Variants in IL36G observed in about 807,000 individuals in gnomAD.
IL36G encodes the protein interleukin-36 gamma.
Under a neutral mutation model 13.5 loss-of-function variants are expected in IL36G, and 10 were observed. The observed-to-expected ratio is 0.74, with a 90% CI of 0.46 to 1.26. The LOEUF is 1.26. Ranked by LOEUF, IL36G falls within the 50% of genes most tolerant of loss-of-function variation. The pLI is 0.00. For synonymous variants in IL36G, 84 were observed against 74.0 expected, an observed-to-expected ratio of 1.13 and a Z score of -0.69; for missense variants, 199 against 203.0, an observed-to-expected ratio of 0.98 and a Z score of 0.12.
chr2:112,985,138 ACGCTG>A lies in IL36G; in HGVS notation c.*90_*94del. On this transcript the variant is annotated 3_prime_UTR_variant, in exon 5 of 5. Coordinates refer to ENST00000259205, the MANE Select transcript of IL36G (RefSeq NM_019618.4). ...TCTACATTTTCTTAGTGTCATTTTC[ACGCTG>A]GTGCTGAGACAGGGGCAAGGCTGCT... 1.1e-6 allele frequency: 1 copy of A among 893,418 alleles called. No homozygotes were observed. Among genetic ancestry groups the A allele is most frequent in the South Asian group, 1.6e-5 (1 of 61,776 alleles). The allele number at this position is 893,418 out of a possible 1,614,324, so 55.3% of individuals were successfully genotyped here.
At chr2:112,982,563 G>C (rs1173646999) in intron 4 of IL36G, among the ~76,000 whole-genome samples, 1 of 152,182 alleles carries the variant, frequency 6.6e-6, no homozygotes. Context: ...GGTGTGATTT[G>C]ATGGGCCAGG....
At chr2:112,979,448 C>T (rs1221036464) in intron 3 of IL36G, 123 bp downstream of exon 3, 1 of 617,198 alleles carries the variant, frequency 1.6e-6, no homozygotes, top group East Asian at 2.8e-5. Flanking sequence ...AATTTCACAC[C>T]TAATTGGGAA....
intron 4 of IL36G, chr2:112,981,175 T>C: frequency 8.4e-7 from 1 of 1,188,272 alleles, no homozygotes; most frequent in Non-Finnish European, 1.2e-6. Flanking sequence ...ACTTGGCATC[T>C]GCAGCACCTT....
chr2:112,979,161 G>A, intron 2 of IL36G, 60 bp from the exon 3 acceptor site: 2 of 1,114,904 alleles, frequency 1.8e-6, no homozygotes, highest in Non-Finnish European at 2.7e-6. Flanking sequence ...TTTCTCCTGG[G>A]TCTAGTAAAG....
At position 112,985,243 on chromosome 2, in the gene IL36G, G is replaced by T; in HGVS notation, c.*194G>T. 1.7e-6 allele frequency: 1 copy of T among 572,502 alleles called. No homozygotes were observed. The highest frequency in any genetic ancestry group is 3.1e-6 in the Non-Finnish European group (1 of 321,480). 35.5% of individuals were successfully genotyped at this position (572,502 alleles called of 1,614,324 possible). On this transcript the variant is annotated 3_prime_UTR_variant, in exon 5 of 5. Transcript: ENST00000259205. ...TGAAGAACAGGATGTGGCCTCAGAA[G>T]CAGGAGAGCTGGGTGGTATAAGGCT... is the stretch of plus-strand genomic sequence containing the variant.
intron 2 of IL36G, 29 bp downstream of exon 2, chr2:112,978,722 C>T (rs1342617373): frequency 6.2e-7 from 1 of 1,610,480 alleles, no homozygotes; most frequent in Non-Finnish European, 8.5e-7. Context: ...GGATGGGGCT[C>T]TGGAGGCTTA....
chr2:112,981,124 A>C (rs962544282), intron 4 of IL36G: 2 of 913,974 alleles, frequency 2.2e-6, no homozygotes, highest in African/African-American at 1.6e-5. Flanking sequence ...CAAACTGTAC[A>C]GTCACCAGAA....
intron 1 of IL36G, 114 bp from the exon 2 acceptor site, chr2:112,978,506 T>G (rs770682747): frequency 8.7e-6 from 7 of 801,628 alleles, no homozygotes; most frequent in Non-Finnish European, 1.5e-5. Context: ...CAGAGCTTCG[T>G]GTCAGGCCAG....
At chr2:112,978,735 C>T in intron 2 of IL36G, 42 bp downstream of exon 2, 1 of 1,577,566 alleles carries the variant, frequency 6.3e-7, no homozygotes, top group Non-Finnish European at 8.7e-7. Flanking sequence ...GAGGCTTAGG[C>T]CCTCTGCACT....
rs1684331147 is a variant in IL36G at position 112,985,245 on chromosome 2, A to C, written c.*196A>C. The stretch of plus-strand genomic sequence containing the variant: ...AAGAACAGGATGTGGCCTCAGAAGC[A>C]GGAGAGCTGGGTGGTATAAGGCTGT... On this transcript the variant is annotated 3_prime_UTR_variant, in exon 5 of 5. Transcript: ENST00000259205. 1.8e-6 allele frequency: 1 copy of C among 570,188 alleles called. No individual in the cohort carries two copies. The highest frequency in any genetic ancestry group is 3.1e-6 in the Non-Finnish European group (1 of 320,032). The allele number at this position is 570,188 out of a possible 1,614,324, so 35.3% of individuals were successfully genotyped here.
At chr2:112,978,772 C>A in intron 2 of IL36G, 79 bp downstream of exon 2, 2 of 1,368,502 alleles carry the variant, frequency 1.5e-6, no homozygotes, top group Non-Finnish European at 2.1e-6. Flanking sequence ...GAAGCCCCAG[C>A]CTTCTCTGCT....
chr2:112,984,946 C>T lies in IL36G; in HGVS notation c.407C>T (p.Pro136Leu), dbSNP rs549223824. Reference protein sequence around the residue: ...RTSTLESVAFPDWFIASSKRD... With the variant: ...RTSTLESVAFLDWFIASSKRD... ...TCCACCCTTGAGTCTGTGGCCTTCC[C>T]GGACTGGTTCATTGCCTCCTCCAAG... is the stretch of plus-strand genomic sequence containing the variant. Residue 136 changes from proline (P) to leucine (L), a missense_variant, in exon 5 of 5, where the codon CCG (proline) becomes CTG (leucine). By Grantham distance (98) the Pro-to-Leu change is moderately conservative. Coordinates refer to ENST00000259205, the MANE Select transcript of IL36G (RefSeq NM_019618.4). The T allele has an allele frequency of 2.6e-5, 42 of 1,614,022 alleles. 1 individual carries two copies. Among genetic ancestry groups the T allele is most frequent in the South Asian group, 9.9e-5 (9 of 91,074 alleles).
chr2:112,984,745 G>A, intron 4 of IL36G, 95 bp from the exon 5 acceptor site: 2 of 1,074,460 alleles, frequency 1.9e-6, no homozygotes, highest in South Asian at 2.9e-5. Flanking sequence ...AAGGTTTTCT[G>A]GAACTTTGGA....
In IL36G at chr2:112,984,973, G is replaced by C. The variant is rs1233296271; in HGVS notation, c.434G>C (p.Arg145Thr). The change falls in exon 5 of 5, where the codon AGA (arginine) becomes ACA (threonine). Residue 145 changes from arginine (R) to threonine (T), a missense_variant. Arg to Thr is a moderately conservative substitution (Grantham distance 71). Transcript: ENST00000259205. ...GACTGGTTCATTGCCTCCTCCAAGA[G>C]AGACCAGCCCATCATTCTGACTTCA... ...FPDWFIASSKRDQPIILTSEL... is the reference protein window; with the variant it reads ...FPDWFIASSKTDQPIILTSEL... 4.3e-6 allele frequency: 7 copies of C among 1,614,002 alleles called. No homozygotes were observed. Among genetic ancestry groups the C allele is most frequent in the Non-Finnish European group, 2.5e-6 (3 of 1,180,034 alleles).
Position 112,979,301 on chromosome 2 carries a change from C to T in IL36G, c.136C>T (p.Pro46Ser), listed in dbSNP as rs1307654812. The T allele has an allele frequency of 6.2e-7, 1 of 1,611,456 alleles. No homozygotes were observed. ...TCAGGGTCAGAACCTTGTGGCAGTT[C>T]CACGAAGTGACAGTGTGACCCCAGG... The part of the protein sequence containing the change: ...TLQGQNLVAV[P>S]RSDSVTPVTV... The change falls in exon 3 of 5, where the codon CCA becomes TCA. Residue 46 changes from proline (P) to serine (S), a missense_variant. Transcript: ENST00000259205.
intron 4 of IL36G, chr2:112,981,337 A>G: frequency 1.2e-6 from 1 of 800,356 alleles, no homozygotes; most frequent in Non-Finnish European, 2.2e-6. Flanking sequence ...GATTTGGAGG[A>G]GCAGGTTTAG....
intron 1 of IL36G, 104 bp downstream of exon 1, chr2:112,978,182 G>A (rs1489319089): frequency 5.3e-6 from 1 of 187,576 alleles, no homozygotes; most frequent in Non-Finnish European, 1.1e-5. Context: ...GGCTGGCTCT[G>A]TGCTTTGTCC....
In IL36G at chr2:112,984,722, C is replaced by G. The variant is rs1431453478; in HGVS notation, c.301-118C>G. 3 of 847,634 alleles carry G rather than the reference C, an allele frequency of 3.5e-6. No individual in the cohort carries two copies. In the Middle Eastern group the frequency reaches 8.0e-4, roughly 226 times the overall value. The allele number at this position is 847,634 out of a possible 1,614,324, so 52.5% of individuals were successfully genotyped here. On this transcript the variant is annotated intron_variant, in intron 4 of 4. Coordinates refer to ENST00000259205, the MANE Select transcript of IL36G (RefSeq NM_019618.4). ...AAATGTGTGTTTCTCTAGGCCTGCT[C>G]TAATAGATGGATAAGGTTTTCTGGA...
chr2:112,985,395 C>T lies in IL36G; in HGVS notation c.*346C>T. 1 of 264,170 alleles carries T rather than the reference C, an allele frequency of 3.8e-6. No individual in the cohort carries two copies. The highest frequency in any genetic ancestry group is 5.6e-5 in the South Asian group (1 of 17,874). The allele number at this position is 264,170 out of a possible 1,614,324, so 16.4% of individuals were successfully genotyped here. A position where few individuals can be genotyped will look rare whatever the true frequency, so the allele number is the denominator to read the frequency against. ...GATGCTTCAGAGCTCATGCGCGTTACCCACGATGGCATGACTAGCACAGAG... is the reference window on the plus strand; with the variant it reads ...GATGCTTCAGAGCTCATGCGCGTTATCCACGATGGCATGACTAGCACAGAG... On this transcript the variant is annotated 3_prime_UTR_variant, in exon 5 of 5. Coordinates refer to ENST00000259205, the MANE Select transcript of IL36G (RefSeq NM_019618.4).
Sources: gnomAD v4.1 joint callset for allele counts (sites outside exome capture counted in the v4.1 genomes callset) on GRCh38, gnomAD v4.1.1 for gene constraint, MANE v1.5 for transcripts, NCBI Gene and HGNC (gene_info 2026-07-23, HGNC 2026-07-21) for gene names.